COG6: variants seen among roughly 807,000 people sequenced by gnomAD.
The protein encoded by COG6 is conserved oligomeric Golgi complex subunit 6.
A neutral mutation model predicts 88.8 loss-of-function variants in COG6; 74 were observed. That is an observed-to-expected ratio of 0.83 (90% CI 0.69 to 1.01). COG6 has a LOEUF of 1.01. COG6 is among the 50% of genes least tolerant of loss of function. The pLI is 0.00. For missense variants in COG6, 800 were observed against 797.9 expected (o/e 1.00, Z -0.03); for synonymous variants, 286 against 278.7 (o/e 1.03, Z -0.26).
exon 19 of COG6, chr13:39,790,460 G>A (rs974822969): frequency 6.6e-6 from 1 of 152,100 alleles, no homozygotes; most frequent in Non-Finnish European, 1.5e-5. Flanking sequence ...CACAAAGCAT[G>A]AGTCTAGTAT....
At chr13:39,712,060 A>G (rs1878273269) in intron 13 of COG6, among the ~76,000 whole-genome samples, 1 of 152,104 alleles carries the variant, frequency 6.6e-6, no homozygotes, top group African/African-American at 2.4e-5. Context: ...GGGTTTCGCC[A>G]TATTGGCCAG....
chr13:39,782,458 T>TGTA (rs1881657249), intron 18 of COG6, among the ~76,000 whole-genome samples: 1 of 152,202 alleles, frequency 6.6e-6, no homozygotes. Context: ...ACATGCTGCT[T>TGTA]GTAGTAACCT....
At chr13:39,656,737 T>C (rs1174353719) in intron 1 of COG6, 2 of 425,318 alleles carry the variant, frequency 4.7e-6, no homozygotes, top group Admixed American at 2.7e-5. Context: ...AAATTAGGGC[T>C]CTGGAGACTA....
At chr13:39,698,409 AT>A (rs1162079478) in intron 12 of COG6, among the ~76,000 whole-genome samples, 1 of 152,014 alleles carries the variant, frequency 6.6e-6, no homozygotes, top group Non-Finnish European at 1.5e-5. Flanking sequence ...TCTTTAAAAT[AT>A]AAGTATTATG....
chr13:39,685,106 A>G (rs1231829433), intron 8 of COG6, among the ~76,000 whole-genome samples: 1 of 152,148 alleles, frequency 6.6e-6, no homozygotes, highest in African/African-American at 2.4e-5. Context: ...GCTTTTTGAT[A>G]AAAATTTTTC....
chr13:39,658,528 C>T (rs1026603079), intron 1 of COG6, among the ~76,000 whole-genome samples: 3 of 152,138 alleles, frequency 2.0e-5, no homozygotes, highest in African/African-American at 7.2e-5. Flanking sequence ...TGTTTTTTCT[C>T]TTACCTACCT....
At position 39,656,747 on chromosome 13, in the gene COG6, AC is replaced by A. The variant is rs776638548; in HGVS notation, c.153+870del. ...ATAAGAAATTAGGGCTCTGGAGACTACCACTTATTAGATAGAACCACTAAAT... is the reference window on the plus strand; with the variant it reads ...ATAAGAAATTAGGGCTCTGGAGACTACACTTATTAGATAGAACCACTAAAT... On this transcript the variant is annotated intron_variant, in intron 1 of 18. Coordinates refer to ENST00000455146, the MANE Select transcript of COG6 (RefSeq NM_020751.3). The A allele has an allele frequency of 8.7e-5, 38 of 436,908 alleles. 1 individual carries two copies. The East Asian group carries it at 2.2e-3, about 26-fold the overall frequency. 27.1% of individuals were successfully genotyped at this position (436,908 alleles called of 1,614,324 possible). A position where few individuals can be genotyped will look rare whatever the true frequency, so the allele number is the denominator to read the frequency against.
chr13:39,781,486 A>T (rs1040151768), intron 18 of COG6, among the ~76,000 whole-genome samples: 20 of 151,478 alleles, frequency 1.3e-4, no homozygotes, highest in African/African-American at 3.9e-4. Flanking sequence ...GCTGGAATGG[A>T]ACTATTTCAT....
At chr13:39,787,300 G>T (rs966885034) in intron 18 of COG6, among the ~76,000 whole-genome samples, 32 of 152,218 alleles carry the variant, frequency 2.1e-4, no homozygotes, top group African/African-American at 7.0e-4. Flanking sequence ...AGGAAAGTGT[G>T]GGAGGAAACT....
At chr13:39,677,242 C>T (rs1876027102) in intron 4 of COG6, among the ~76,000 whole-genome samples, 1 of 152,092 alleles carries the variant, frequency 6.6e-6, no homozygotes, top group East Asian at 1.9e-4. Context: ...ATGATCAACT[C>T]CATTTATTGT....
At chr13:39,714,413 A>G (rs924308354) in intron 13 of COG6, among the ~76,000 whole-genome samples, 7 of 152,196 alleles carry the variant, frequency 4.6e-5, no homozygotes, top group African/African-American at 1.4e-4. Flanking sequence ...GAAGGAACAC[A>G]AACAAATCAG....
chr13:39,677,645 T>A, intron 5 of COG6, 66 bp downstream of exon 5: 2 of 852,810 alleles, frequency 2.3e-6, no homozygotes, highest in South Asian at 1.7e-5. Context: ...AGAAATTGCT[T>A]TTTTGAAGCT....
chr13:39,657,278 G>A (rs746849372), intron 1 of COG6, among the ~76,000 whole-genome samples: 2 of 152,166 alleles, frequency 1.3e-5, no homozygotes, highest in Non-Finnish European at 2.9e-5. Context: ...TGATCTGCCC[G>A]CCTCAGCCTC....
chr13:39,690,686 A>G (rs910442978), intron 11 of COG6, among the ~76,000 whole-genome samples: 4 of 151,968 alleles, frequency 2.6e-5, no homozygotes, highest in Admixed American at 2.6e-4. Flanking sequence ...TTTTTGGTAT[A>G]TGCTTCAGGC....
intron 18 of COG6, among the ~76,000 whole-genome samples, chr13:39,770,856 C>T (rs1489716951): frequency 2.0e-5 from 3 of 152,168 alleles, no homozygotes; most frequent in Admixed American, 1.3e-4. Context: ...ACAGCTGAAG[C>T]GTGTAGTTAC....
At chr13:39,741,379 C>G (rs1239094318) in intron 18 of COG6, among the ~76,000 whole-genome samples, 2 of 152,028 alleles carry the variant, frequency 1.3e-5, no homozygotes, top group Non-Finnish European at 2.9e-5. Context: ...AGATGAATGT[C>G]TAACTAGAAT....
chr13:39,778,565 T>C (rs1881537992), intron 18 of COG6, among the ~76,000 whole-genome samples: 1 of 151,966 alleles, frequency 6.6e-6, no homozygotes, highest in Admixed American at 6.5e-5. Flanking sequence ...CCCCCCTGGA[T>C]TGGTATCTTG....
At chr13:39,711,447 G>T (rs982754585) in intron 13 of COG6, among the ~76,000 whole-genome samples, 1 of 152,112 alleles carries the variant, frequency 6.6e-6, no homozygotes, top group South Asian at 2.1e-4. Flanking sequence ...ACACTTCGGT[G>T]TAGTGGTTAT....
chr13:39,781,847 T>C (rs1881640265), intron 18 of COG6, among the ~76,000 whole-genome samples: 1 of 152,202 alleles, frequency 6.6e-6, no homozygotes, highest in South Asian at 2.1e-4. Context: ...TTAACAAATA[T>C]TAGAAATAAT....
Sources: allele counts gnomAD v4.1 joint callset (sites outside exome capture counted in the v4.1 genomes callset), GRCh38; gene constraint gnomAD v4.1.1; transcripts MANE v1.5; gene names NCBI Gene and HGNC (gene_info 2026-07-23, HGNC 2026-07-21).